The following RBL1 variants were observed in gnomAD, a reference collection of about 807,000 sequenced individuals.
The protein encoded by RBL1 is RB transcriptional corepressor like 1.
In RBL1, 82 loss-of-function variants were observed where a neutral mutation model predicts 123.0. The observed-to-expected ratio is 0.67, with a 90% CI of 0.56 to 0.80. The LOEUF (loss-of-function observed/expected upper bound fraction) is 0.80. Ranked by LOEUF, RBL1 falls within the 30% of genes least tolerant of loss-of-function variation. The probability of loss-of-function intolerance (pLI) is 0.00; values close to 1 mark genes in which losing one functional copy is unlikely to be tolerated. For missense variants in RBL1, 1,171 were observed against 1,299.6 expected (o/e 0.90, Z 1.52); for synonymous variants, 405 against 441.3 (o/e 0.92, Z 1.03).
At chr20:37,063,848 G>T (rs913380068) in intron 7 of RBL1, among the ~76,000 whole-genome samples, 1 of 148,508 alleles carries the variant, frequency 6.7e-6, no homozygotes, top group East Asian at 2.0e-4. Context: ...TTGGAAATAG[G>T]GTCTCACTCC....
At chr20:37,008,198 G>A in intron 19 of RBL1, among the ~76,000 whole-genome samples, 1 of 152,202 alleles carries the variant, frequency 6.6e-6, no homozygotes, top group East Asian at 1.9e-4. Context: ...CAGTATGGGA[G>A]GCAGTGGCAA....
intron 16 of RBL1, among the ~76,000 whole-genome samples, chr20:37,029,953 G>A (rs985078593): frequency 1.3e-5 from 2 of 152,202 alleles, no homozygotes; most frequent in Non-Finnish European, 2.9e-5. Flanking sequence ...AGACGCAAAT[G>A]AAAAGACATC....
chr20:37,023,634 T>C (rs1479602074), intron 16 of RBL1, among the ~76,000 whole-genome samples: 2 of 152,164 alleles, frequency 1.3e-5, no homozygotes, highest in African/African-American at 4.8e-5. Context: ...ATAAGTAAGA[T>C]ACAAAGTTGT....
intron 2 of RBL1, among the ~76,000 whole-genome samples, chr20:37,073,326 C>A (rs2065310111): frequency 1.3e-5 from 2 of 152,100 alleles, no homozygotes; most frequent in Admixed American, 1.3e-4. Context: ...TAACTTAAAT[C>A]ATAATTACAG....
At chr20:37,044,314 T>A in intron 12 of RBL1, 64 bp from the exon 13 acceptor site, 1 of 1,486,264 alleles carries the variant, frequency 6.7e-7, no homozygotes, top group Non-Finnish European at 9.2e-7. Flanking sequence ...TGGACTTGCA[T>A]GTAGGACTAG....
Position 36,998,032 on chromosome 20 carries a change from AC to A in RBL1, c.*726del, listed in dbSNP as rs1352549044. 1 of 152,118 alleles carries A rather than the reference AC, an allele frequency of 6.6e-6. No individual in the cohort carries two copies. The highest frequency in any genetic ancestry group is 1.5e-5 in the Non-Finnish European group (1 of 68,032). The allele number at this position is 152,118 out of a possible 1,614,324, so 9.4% of individuals were successfully genotyped here. A position where few individuals can be genotyped will look rare whatever the true frequency, so the allele number is the denominator to read the frequency against. ...CTCTGGCCAGGTACTATGGGAACCA[AC>A]CCCTTCCTTCAATATTAAATTAAGA... is the stretch of plus-strand genomic sequence containing the variant. On this transcript the variant is annotated 3_prime_UTR_variant, in exon 22 of 22. Coordinates refer to ENST00000373664, the MANE Select transcript of RBL1 (RefSeq NM_002895.5).
intron 2 of RBL1, among the ~76,000 whole-genome samples, chr20:37,082,521 C>A (rs2065469490): frequency 6.6e-6 from 1 of 152,012 alleles, no homozygotes; most frequent in Non-Finnish European, 1.5e-5. Context: ...CTAGAGTTTA[C>A]CCTCCATATC....
intron 2 of RBL1, among the ~76,000 whole-genome samples, chr20:37,068,867 C>G (rs944868321): frequency 1.3e-5 from 2 of 151,542 alleles, no homozygotes; most frequent in East Asian, 1.9e-4. Flanking sequence ...TCTCCCTCTC[C>G]CTCTCTTTCC....
At chr20:37,092,628 G>A (rs992869748) in intron 1 of RBL1, among the ~76,000 whole-genome samples, 7 of 152,138 alleles carry the variant, frequency 4.6e-5, no homozygotes, top group South Asian at 2.1e-4. Flanking sequence ...CCAAAATGTC[G>A]GGATAACAGG....
rs1485767334 is a variant in RBL1, at chr20:37,061,234, T to C, written c.1119A>G (p.Gly373=). The change falls in exon 9 of 22, where the codon GGA becomes GGG. Residue 373 remains glycine (G), a synonymous_variant. Transcript: ENST00000373664. The part of the protein sequence containing the change: ...RSFAPSTPLT[G]RRYLREKEAV... ...CTTCTTTTTCTCGTAAATATCTCCG[T>C]CCGGTCAGTGGGGTAGAAGGTGCAA... The C allele has an allele frequency of 6.2e-7, 1 of 1,613,908 alleles. No homozygotes were observed. Among genetic ancestry groups the C allele is most frequent in the African/African-American group, 1.3e-5 (1 of 74,920 alleles).
At chr20:37,061,523 T>C (rs146902349) in intron 8 of RBL1, among the ~76,000 whole-genome samples, 12 of 152,310 alleles carry the variant, frequency 7.9e-5, no homozygotes, top group African/African-American at 2.2e-4. Context: ...TATGAGGAAA[T>C]AGGAACAGAG....
rs1318227101 is a variant in RBL1, at chr20:37,003,765, C to G, written c.2973G>C (p.Lys991Asn). The change falls in exon 21 of 22, where the codon AAG becomes AAC. Residue 991 changes from lysine (K) to asparagine (N), a missense_variant. Transcript: ENST00000373664. ...TTCTTGGTGTAAGGCCTGACCCATTCTTGTGCGGGGAAATATAAATGGAGT... is the reference window on the plus strand; with the variant it reads ...TTCTTGGTGTAAGGCCTGACCCATTGTTGTGCGGGGAAATATAAATGGAGT... ...QQHSIYISPH[K>N]NGSGLTPRSA... The G allele has an allele frequency of 6.2e-7, 1 of 1,613,890 alleles. No homozygotes were observed. The highest frequency in any genetic ancestry group is 8.5e-7 in the Non-Finnish European group (1 of 1,179,972).
At chr20:37,061,311 T>C (rs1473011882) in intron 8 of RBL1, 42 bp from the exon 9 acceptor site, 2 of 1,595,166 alleles carry the variant, frequency 1.3e-6, no homozygotes, top group Non-Finnish European at 8.6e-7. Context: ...AAAGTTACCA[T>C]CTTCCTTATT....
rs138612332 is a variant in RBL1, at chr20:37,079,299, T to C, written c.290+9690A>G. The stretch of plus-strand genomic sequence containing the variant: ...TTTTAGAAAAAGAAACTTTTTTTGT[T>C]ATCAAGTTTCCCAAGATCTAAACCA... On this transcript the variant is annotated intron_variant, in intron 2 of 21. Coordinates refer to ENST00000373664, the MANE Select transcript of RBL1 (RefSeq NM_002895.5). Among the ~76,000 whole-genome samples, 7 of 152,174 alleles carry C rather than the reference T, an allele frequency of 4.6e-5. No homozygotes were observed. The East Asian group carries it at 1.3e-3, about 29-fold the overall frequency.
intron 2 of RBL1, among the ~76,000 whole-genome samples, chr20:37,069,456 T>A (rs1365447222): frequency 7.0e-6 from 1 of 143,220 alleles, no homozygotes; most frequent in Non-Finnish European, 1.5e-5. Context: ...CAGCCGCCCA[T>A]CGTCTGAGAT....
intron 9 of RBL1, among the ~76,000 whole-genome samples, chr20:37,057,030 T>TACCTACCTA (rs1230536075): frequency 6.6e-6 from 1 of 151,902 alleles, no homozygotes; most frequent in Non-Finnish European, 1.5e-5. Context: ...CCTACCTACC[T>TACCTACCTA]ACCTACCTAC....
intron 21 of RBL1, among the ~76,000 whole-genome samples, chr20:37,001,129 G>A (rs1202829710): frequency 2.7e-5 from 4 of 148,896 alleles, no homozygotes; most frequent in African/African-American, 4.9e-5. Flanking sequence ...AGGCGGGGGG[G>A]TCAGCCCCCC....
chr20:37,024,076 C>T (rs1342665369), intron 16 of RBL1, among the ~76,000 whole-genome samples: 1 of 151,812 alleles, frequency 6.6e-6, no homozygotes, highest in African/African-American at 2.4e-5. Flanking sequence ...TGAGTCACTG[C>T]GCCTGGCCCA....
chr20:37,002,129 C>A (rs553727532), intron 21 of RBL1, among the ~76,000 whole-genome samples: 1 of 149,164 alleles, frequency 6.7e-6, no homozygotes, highest in East Asian at 2.0e-4. Context: ...GCCTCCTGGG[C>A]TCAAGCTATT....
Sources: allele counts gnomAD v4.1 joint callset (sites outside exome capture counted in the v4.1 genomes callset), GRCh38; gene constraint gnomAD v4.1.1; transcripts MANE v1.5; gene names NCBI Gene and HGNC (gene_info 2026-07-23, HGNC 2026-07-21).